ZNF385D: variants seen among roughly 807,000 people sequenced by gnomAD.
The protein encoded by ZNF385D is zinc finger protein 659.
Under a neutral mutation model 35.8 loss-of-function variants are expected in ZNF385D, and 15 were observed. The observed-to-expected ratio is 0.42, with a 90% confidence interval of 0.28 to 0.64. The LOEUF is 0.64. Ranked by LOEUF, ZNF385D falls within the 30% of genes least tolerant of loss-of-function variation. The pLI, the probability that ZNF385D is intolerant of heterozygous loss-of-function variation, is 0.23. For missense variants in ZNF385D, 474 were observed against 494.6 expected, an observed-to-expected ratio of 0.96 and a Z score of 0.39; for synonymous variants, 212 against 186.8, an observed-to-expected ratio of 1.13 and a Z score of -1.10.
chr3:21,645,134 T>G (rs2065713783), intron 2 of ZNF385D, among the ~76,000 whole-genome samples: 1 of 152,242 alleles, frequency 6.6e-6, no homozygotes. Flanking sequence ...GAAAGTTTTA[T>G]GATTTCAAAA....
chr3:22,287,791 T>C (rs1228091384), intron 2 of ZNF385D, among the ~76,000 whole-genome samples: 5 of 152,080 alleles, frequency 3.3e-5, no homozygotes, highest in African/African-American at 1.2e-4. Context: ...ACTTACACAT[T>C]GCCATTATAG....
chr3:22,116,916 T>C (rs1702840718), intron 3 of ZNF385D, among the ~76,000 whole-genome samples: 1 of 152,016 alleles, frequency 6.6e-6, no homozygotes, highest in South Asian at 2.1e-4. Context: ...GTCACTTTAC[T>C]AAGTGTTTAG....
At chr3:22,363,130 T>C (rs931098356) in intron 2 of ZNF385D, among the ~76,000 whole-genome samples, 25 of 152,114 alleles carry the variant, frequency 1.6e-4, no homozygotes, top group Non-Finnish European at 3.7e-4. Flanking sequence ...AGTGTATCTC[T>C]GAGATGGCAG....
intron 3 of ZNF385D, among the ~76,000 whole-genome samples, chr3:22,087,678 A>C (rs1456778383): frequency 6.6e-6 from 1 of 152,200 alleles, no homozygotes; most frequent in East Asian, 1.9e-4. Context: ...AAACAAGAAT[A>C]AACTTCAACT....
chr3:21,807,519 T>C (rs976798610), intron 3 of ZNF385D, among the ~76,000 whole-genome samples: 12 of 152,164 alleles, frequency 7.9e-5, no homozygotes, highest in Non-Finnish European at 1.6e-4. Flanking sequence ...TTGGAGTTTT[T>C]TGAAGATAAT....
At chr3:21,790,872 G>A (rs948643235) in intron 3 of ZNF385D, among the ~76,000 whole-genome samples, 20 of 152,146 alleles carry the variant, frequency 1.3e-4, no homozygotes, top group African/African-American at 4.8e-4. Flanking sequence ...AAATTTGATA[G>A]CTAGATTTTT....
intron 2 of ZNF385D, among the ~76,000 whole-genome samples, chr3:22,338,723 T>C (rs1695286094): frequency 7.4e-6 from 1 of 134,674 alleles, no homozygotes; most frequent in Admixed American, 7.4e-5. Context: ...TTTTTTGAAG[T>C]GGAGTCTTGC....
intron 4 of ZNF385D, among the ~76,000 whole-genome samples, chr3:21,466,762 C>T (rs163472): frequency 0.065 from 9,949 of 152,270 alleles, 442 homozygotes; most frequent in Non-Finnish European, 0.094. Flanking sequence ...CCCCACTACA[C>T]GCTCTTCTCC....
chr3:21,995,926 G>T (rs528544488), intron 3 of ZNF385D, among the ~76,000 whole-genome samples: 2 of 152,154 alleles, frequency 1.3e-5, no homozygotes, highest in East Asian at 1.9e-4. Context: ...ATACCTTGGG[G>T]TGTAGGATAC....
intron 1 of ZNF385D, among the ~76,000 whole-genome samples, chr3:21,678,600 G>A (rs1036481813): frequency 6.6e-6 from 1 of 152,080 alleles, no homozygotes; most frequent in Non-Finnish European, 1.5e-5. Flanking sequence ...TCAAATTCAT[G>A]GGCCTGTTTG....
At chr3:21,705,791 C>T (rs11717373) in intron 1 of ZNF385D, among the ~76,000 whole-genome samples, 20,264 of 152,174 alleles carry the variant, frequency 0.13, 1,652 homozygotes, top group Middle Eastern at 0.26. Context: ...TGTTTGCATT[C>T]GAGGTGGATT....
rs555962966 is a variant in ZNF385D at position 22,027,819 on chromosome 3, T to G, written c.325+140998A>C. 1.4e-4 allele frequency among the ~76,000 whole-genome samples: 21 copies of G among 152,258 alleles called. No individual in the cohort carries two copies. In the South Asian group the frequency reaches 3.9e-3, roughly 29 times the overall value. On this transcript the variant is annotated intron_variant, in intron 3 of 5. Coordinates refer to the ZNF385D transcript ENST00000494108. ...CCTTCTCTACCCCAGCCTGCAACAA[T>G]GGCCTCATGGGGGGTTCTCTATGAT...
At chr3:21,583,867 T>C (rs1229018835) in intron 2 of ZNF385D, among the ~76,000 whole-genome samples, 4 of 151,002 alleles carry the variant, frequency 2.6e-5, no homozygotes, top group Non-Finnish European at 4.4e-5. Flanking sequence ...TCAAATTCCC[T>C]GAAGTTATTC....
At chr3:21,676,168 C>A (rs530902618) in intron 1 of ZNF385D, among the ~76,000 whole-genome samples, 56 of 152,226 alleles carry the variant, frequency 3.7e-4, no homozygotes, top group Non-Finnish European at 6.9e-4. Context: ...ATATTTAGCA[C>A]ATCTCTAGCA....
intron 2 of ZNF385D, among the ~76,000 whole-genome samples, chr3:21,627,562 C>G (rs1158171629): frequency 6.6e-6 from 1 of 152,082 alleles, no homozygotes; most frequent in Non-Finnish European, 1.5e-5. Flanking sequence ...ATTCTATACT[C>G]CTCCTTCCTT....
chr3:21,454,849 A>C (rs1276836756), intron 4 of ZNF385D, among the ~76,000 whole-genome samples: 4 of 152,134 alleles, frequency 2.6e-5, no homozygotes, highest in African/African-American at 4.8e-5. Flanking sequence ...CCCATTGTCT[A>C]AGCCCAAAAT....
intron 2 of ZNF385D, among the ~76,000 whole-genome samples, chr3:21,580,964 A>G (rs1282531643): frequency 6.6e-6 from 1 of 152,122 alleles, no homozygotes; most frequent in Non-Finnish European, 1.5e-5. Context: ...TTTTCTTGAA[A>G]TATTCTACTT....
Position 21,681,298 on chromosome 3 carries a change from T to TGAAA in ZNF385D, c.23-16271_23-16270insTTTC, listed in dbSNP as rs367942289. The stretch of plus-strand genomic sequence containing the variant: ...AGCCTATGTGAATATATTCCATCAG[T>TGAAA]AAAAAAAAAAAAAAAAAAAAAAAAA... On this transcript the variant is annotated intron_variant, in intron 1 of 7. Coordinates refer to ENST00000281523, the MANE Select transcript of ZNF385D (RefSeq NM_024697.3). Among the ~76,000 whole-genome samples the TGAAA allele has an allele frequency of 2.0e-3, 131 of 64,454 alleles. 17 individuals carry two copies. The highest frequency in any genetic ancestry group is 2.9e-3 in the Admixed American group (11 of 3,788). The allele number at this position is 64,454 out of a possible 152,430, so 42.3% of individuals were successfully genotyped here. A position where few individuals can be genotyped will look rare whatever the true frequency, so the allele number is the denominator to read the frequency against.
chr3:22,251,139 A>G (rs73821338), intron 2 of ZNF385D, among the ~76,000 whole-genome samples: 9,430 of 152,220 alleles, frequency 0.062, 763 homozygotes, highest in African/African-American at 0.19. Context: ...CAAATTTAAA[A>G]GACTTAGCTG....
Sources: gnomAD v4.1 joint callset for allele counts (sites outside exome capture counted in the v4.1 genomes callset) on GRCh38, gnomAD v4.1.1 for gene constraint, MANE v1.5 for transcripts, NCBI Gene and HGNC (gene_info 2026-07-23, HGNC 2026-07-21) for gene names.